Variants in LUZP2 observed in about 807,000 individuals in gnomAD.
LUZP2 encodes leucine zipper protein 2.
A neutral mutation model predicts 51.6 loss-of-function variants in LUZP2; 52 were observed. That is an observed-to-expected ratio of 1.01 (90% CI 0.81 to 1.27). The LOEUF (loss-of-function observed/expected upper bound fraction) is 1.27, where lower values mean the gene tolerates loss of function less well. LUZP2 is among the 50% of genes most tolerant of loss of function. LUZP2 has a pLI of 0.00. For missense variants in LUZP2, 436 were observed against 395.4 expected (o/e 1.10, Z -0.87); for synonymous variants, 154 against 137.3 (o/e 1.12, Z -0.85).
chr11:24,867,528 G>C (rs571892297), intron 5 of LUZP2, among the ~76,000 whole-genome samples: 1 of 152,070 alleles, frequency 6.6e-6, no homozygotes, highest in Non-Finnish European at 1.5e-5. Context: ...GTTTATTTTA[G>C]GTGTGGCTTC....
chr11:24,569,347 T>G (rs1425089179), intron 1 of LUZP2, among the ~76,000 whole-genome samples: 1 of 152,100 alleles, frequency 6.6e-6, no homozygotes, highest in Non-Finnish European at 1.5e-5. Context: ...CTTTTTATAT[T>G]GATAAGTAAT....
At chr11:25,070,340 A>G (rs1859116864) in intron 10 of LUZP2, among the ~76,000 whole-genome samples, 1 of 152,020 alleles carries the variant, frequency 6.6e-6, no homozygotes, top group South Asian at 2.1e-4. Flanking sequence ...TGGAGCCAGT[A>G]AATAGACTAC....
chr11:24,995,496 T>G (rs1408912610), intron 9 of LUZP2, among the ~76,000 whole-genome samples: 1 of 152,182 alleles, frequency 6.6e-6, no homozygotes, highest in African/African-American at 2.4e-5. Flanking sequence ...GGACTCATCT[T>G]TCATCAGTAT....
At chr11:24,764,992 G>C (rs969887495) in intron 5 of LUZP2, among the ~76,000 whole-genome samples, 1 of 152,038 alleles carries the variant, frequency 6.6e-6, no homozygotes, top group African/African-American at 2.4e-5. Flanking sequence ...CTAAATATGA[G>C]TTTTATAATT....
At chr11:24,620,090 G>A (rs1854442956) in intron 1 of LUZP2, among the ~76,000 whole-genome samples, 1 of 152,118 alleles carries the variant, frequency 6.6e-6, no homozygotes, top group Admixed American at 6.6e-5. Flanking sequence ...TCCAGTTTAA[G>A]CTTAATTAAA....
At chr11:25,035,602 C>A (rs576922724) in intron 9 of LUZP2, among the ~76,000 whole-genome samples, 10 of 152,012 alleles carry the variant, frequency 6.6e-5, no homozygotes, top group Non-Finnish European at 1.2e-4. Flanking sequence ...CAAAAATTGA[C>A]CATTATGCCC....
chr11:24,669,181 A>G (rs2133998073), intron 1 of LUZP2, among the ~76,000 whole-genome samples: 1 of 152,280 alleles, frequency 6.6e-6, no homozygotes, highest in African/African-American at 2.4e-5. Flanking sequence ...TCTCATCAGT[A>G]AAATTAGAAA....
At chr11:24,966,053 A>G (rs972003715) in intron 7 of LUZP2, among the ~76,000 whole-genome samples, 2 of 151,736 alleles carry the variant, frequency 1.3e-5, no homozygotes, top group Non-Finnish European at 3.0e-5. Flanking sequence ...TTTCTAGGGG[A>G]AGTGGTTTTT....
intron 9 of LUZP2, among the ~76,000 whole-genome samples, chr11:25,021,398 A>C (rs2133974797): frequency 6.6e-6 from 1 of 150,578 alleles, no homozygotes; most frequent in African/African-American, 2.4e-5. Context: ...AGGACACAAA[A>C]TTATTGTCCA....
intron 1 of LUZP2, among the ~76,000 whole-genome samples, chr11:24,581,492 G>A (rs986536971): frequency 1.3e-5 from 2 of 151,408 alleles, no homozygotes; most frequent in African/African-American, 4.8e-5. Flanking sequence ...CCAACATGGC[G>A]AAATCCCATC....
chr11:24,642,303 AT>A (rs879810030), intron 1 of LUZP2, among the ~76,000 whole-genome samples: 3 of 150,920 alleles, frequency 2.0e-5, no homozygotes, highest in Non-Finnish European at 4.4e-5. Context: ...GGATCTCCTG[AT>A]TTTTTTTTCA....
intron 7 of LUZP2, among the ~76,000 whole-genome samples, chr11:24,965,262 T>G (rs1319417862): frequency 6.8e-6 from 1 of 147,924 alleles, no homozygotes; most frequent in East Asian, 2.0e-4. Context: ...GTTTATGAAT[T>G]GCATACTAGA....
chr11:24,736,327 AAAT>A (rs549213836), intron 3 of LUZP2, among the ~76,000 whole-genome samples: 20 of 152,134 alleles, frequency 1.3e-4, no homozygotes, highest in African/African-American at 4.8e-4. Context: ...TTAAAAATAA[AAAT>A]GAGAATTTTA....
intron 7 of LUZP2, among the ~76,000 whole-genome samples, chr11:24,945,518 T>G (rs78104518): frequency 3.0e-5 from 1 of 33,182 alleles, no homozygotes; most frequent in Non-Finnish European, 6.2e-5. Flanking sequence ...AATTTGCCTG[T>G]TTTTTTTTTT....
At chr11:24,658,707 T>C (rs1353319659) in intron 1 of LUZP2, among the ~76,000 whole-genome samples, 1 of 151,794 alleles carries the variant, frequency 6.6e-6, no homozygotes, top group African/African-American at 2.4e-5. Flanking sequence ...GAATCTACAA[T>C]GAACTCAAAC....
At chr11:24,947,927 G>T (rs948554558) in intron 7 of LUZP2, among the ~76,000 whole-genome samples, 9 of 151,740 alleles carry the variant, frequency 5.9e-5, no homozygotes, top group African/African-American at 2.2e-4. Flanking sequence ...ACTGTGATAT[G>T]TCTGAGCATC....
Position 25,078,492 on chromosome 11 carries a change from A to G in LUZP2, c.937-62A>G. 1.5e-6 allele frequency: 2 copies of G among 1,360,984 alleles called. 1 individual carries two copies. 84.3% of individuals were successfully genotyped at this position (1,360,984 alleles called of 1,614,324 possible). On this transcript the variant is annotated intron_variant, in intron 11 of 11. Coordinates refer to ENST00000336930, the MANE Select transcript of LUZP2 (RefSeq NM_001009909.4). ...CATTCTTATTCTTTTAGACTTTTCAATTTTTACCTTAAAATGTGTTATTTT... is the reference window on the plus strand; with the variant it reads ...CATTCTTATTCTTTTAGACTTTTCAGTTTTTACCTTAAAATGTGTTATTTT...
intron 1 of LUZP2, among the ~76,000 whole-genome samples, chr11:24,678,158 C>T (rs1194953161): frequency 6.6e-6 from 1 of 151,634 alleles, no homozygotes; most frequent in African/African-American, 2.4e-5. Flanking sequence ...TTGCTAACTC[C>T]ATAAAGGCAA....
At chr11:24,500,230 T>C (rs1211476478) in intron 1 of LUZP2, among the ~76,000 whole-genome samples, 2 of 152,096 alleles carry the variant, frequency 1.3e-5, no homozygotes, top group Non-Finnish European at 2.9e-5. Flanking sequence ...GTAAACCCCA[T>C]AGAGTTTTAA....
Sources: allele counts gnomAD v4.1 joint callset (sites outside exome capture counted in the v4.1 genomes callset), GRCh38; gene constraint gnomAD v4.1.1; transcripts MANE v1.5; gene names NCBI Gene and HGNC (gene_info 2026-07-23, HGNC 2026-07-21).